The following YWHAQ variants were observed in gnomAD, a reference collection of about 807,000 sequenced individuals.
The protein encoded by YWHAQ is tyrosine 3-monooxygenase/tryptophan 5-monooxygenase activation protein theta, also known as 14-3-3 protein theta.
Under a neutral mutation model 28.3 loss-of-function variants are expected in YWHAQ, and 6 were observed. That is an observed-to-expected ratio of 0.21 (90% confidence interval 0.12 to 0.42). YWHAQ has a LOEUF of 0.42. YWHAQ is among the 10% of genes least tolerant of loss of function. The pLI is 1.00. For synonymous variants in YWHAQ, 143 were observed against 119.1 expected (o/e 1.20, Z -1.31); for missense variants, 201 against 305.6 (o/e 0.66, Z 2.55).
At chr2:9,607,711 C>CTTTTT (rs34963513) in intron 2 of YWHAQ, among the ~76,000 whole-genome samples, 3 of 128,668 alleles carry the variant, frequency 2.3e-5, no homozygotes, top group Admixed American at 7.9e-5. Context: ...AATTCTTCCT[C>CTTTTT]TTTTTTTTTT....
rs1558553670 is a variant in YWHAQ at position 9,630,352 on chromosome 2, G to A, written c.101C>T (p.Ala34Val). ...TCMKAVTEQG[A>V]ELSNEERNLL... ...GTTGCGCTCCTCGTTGGACAGCTCG[G>A]CGCCCTGCTCGGTCACTGCCTTCAT... Residue 34 changes from alanine (A) to valine (V), a missense_variant, in exon 2 of 6, where the codon GCC becomes GTC. Physicochemically the swap from Ala to Val is moderately conservative, Grantham distance 64. Around this residue, in one of 2 missense-constraint regions of YWHAQ, gnomAD observed 162 missense variants for 213.9 expected, o/e 0.76. Transcript: ENST00000238081. The surrounding 1 kb of genome is among the most constrained non-coding windows in gnomAD (Gnocchi z 5.6). The A allele has an allele frequency of 1.9e-6, 3 of 1,613,996 alleles. No individual in the cohort carries two copies. Among genetic ancestry groups the A allele is most frequent in the Admixed American group, 3.3e-5 (2 of 60,014 alleles).
intron 2 of YWHAQ, among the ~76,000 whole-genome samples, chr2:9,595,730 G>A (rs893467526): frequency 1.3e-5 from 2 of 150,352 alleles, no homozygotes; most frequent in South Asian, 2.1e-4. Context: ...GTCACCAGAC[G>A]GGAGTATAGT....
intron 4 of YWHAQ, 42 bp downstream of exon 4, chr2:9,588,123 T>C (rs2125061790): frequency 1.3e-6 from 2 of 1,493,106 alleles, no homozygotes; most frequent in Non-Finnish European, 8.9e-7. Context: ...GTATCTCAAA[T>C]AACTGTAGCT....
At chr2:9,626,250 A>T (rs1230324436) in intron 2 of YWHAQ, among the ~76,000 whole-genome samples, 1 of 152,224 alleles carries the variant, frequency 6.6e-6, no homozygotes, top group African/African-American at 2.4e-5. Flanking sequence ...GATAGAAATT[A>T]TCTTGTATAC....
At chr2:9,595,907 A>G (rs1261550747) in intron 2 of YWHAQ, among the ~76,000 whole-genome samples, 1 of 152,104 alleles carries the variant, frequency 6.6e-6, no homozygotes. Flanking sequence ...TAAAATGTGG[A>G]TGGTAGTGTG....
At chr2:9,618,174 T>C (rs1476443639) in intron 2 of YWHAQ, among the ~76,000 whole-genome samples, 1 of 152,176 alleles carries the variant, frequency 6.6e-6, no homozygotes, top group Non-Finnish European at 1.5e-5. Flanking sequence ...CTGGAATTAA[T>C]AATGATGGCT....
rs902666554 is a variant in YWHAQ at position 9,610,567 on chromosome 2, G to A, written c.295-19052C>T. On this transcript the variant is annotated intron_variant, in intron 2 of 5. Transcript: ENST00000238081. ...CTTCTTGCCCAGGCTGGAGTGCAACGGCGCAATCTCGGCTCACTGCAACCT... is the reference window on the plus strand; with the variant it reads ...CTTCTTGCCCAGGCTGGAGTGCAACAGCGCAATCTCGGCTCACTGCAACCT... Among the ~76,000 whole-genome samples the A allele has an allele frequency of 3.9e-5, 6 of 152,112 alleles. No homozygotes were observed. The East Asian group carries it at 7.7e-4, about 20-fold the overall frequency.
At chr2:9,613,834 G>A (rs1666996753) in intron 2 of YWHAQ, among the ~76,000 whole-genome samples, 1 of 152,234 alleles carries the variant, frequency 6.6e-6, no homozygotes, top group Non-Finnish European at 1.5e-5. Context: ...AGATGTAGTT[G>A]AGGAAAAATG....
At chr2:9,629,651 G>A (rs755717192) in intron 2 of YWHAQ, among the ~76,000 whole-genome samples, 9 of 151,856 alleles carry the variant, frequency 5.9e-5, no homozygotes, top group Non-Finnish European at 1.2e-4. Flanking sequence ...TATGGGGGGT[G>A]GGGGGGAGCA....
chr2:9,624,034 T>G (rs769633766), intron 2 of YWHAQ, among the ~76,000 whole-genome samples: 3 of 152,046 alleles, frequency 2.0e-5, no homozygotes, highest in African/African-American at 7.2e-5. Flanking sequence ...TCTGGGTGGA[T>G]TGCTTGAGCT....
chr2:9,594,638 T>C lies in YWHAQ; in HGVS notation c.295-3123A>G, dbSNP rs531130016. Among the ~76,000 whole-genome samples, 111 of 152,270 alleles carry C rather than the reference T, an allele frequency of 7.3e-4. 1 individual carries two copies. Among genetic ancestry groups the C allele is most frequent in the Admixed American group, 2.5e-3 (38 of 15,294 alleles). ...TTGTTCCTCCAAGTGAGTCAGTCAG[T>C]TACAATGAAATTCCACAGGATCTCC... On this transcript the variant is annotated intron_variant, in intron 2 of 5. Coordinates refer to ENST00000238081, the MANE Select transcript of YWHAQ (RefSeq NM_006826.4).
chr2:9,594,320 T>C (rs998414064), intron 2 of YWHAQ, among the ~76,000 whole-genome samples: 1 of 152,190 alleles, frequency 6.6e-6, no homozygotes, highest in Non-Finnish European at 1.5e-5. Flanking sequence ...TACTTTAACT[T>C]TTTCCTCTAT....
chr2:9,610,212 G>A (rs1405268464), intron 2 of YWHAQ, among the ~76,000 whole-genome samples: 1 of 152,146 alleles, frequency 6.6e-6, no homozygotes, highest in African/African-American at 2.4e-5. Flanking sequence ...CTATCTTAAG[G>A]TAAATGACAA....
At chr2:9,623,681 G>A (rs1340948712) in intron 2 of YWHAQ, among the ~76,000 whole-genome samples, 2 of 152,208 alleles carry the variant, frequency 1.3e-5, no homozygotes, top group African/African-American at 4.8e-5. Flanking sequence ...GCTGACACAG[G>A]AGAATTGCTT....
chr2:9,614,023 G>A (rs1468394579), intron 2 of YWHAQ, among the ~76,000 whole-genome samples: 1 of 152,156 alleles, frequency 6.6e-6, no homozygotes, highest in East Asian at 1.9e-4. Context: ...ATCCAATGCA[G>A]CCTAACCAAT....
intron 2 of YWHAQ, among the ~76,000 whole-genome samples, chr2:9,609,877 T>G (rs1198788741): frequency 2.0e-5 from 3 of 152,152 alleles, no homozygotes; most frequent in Non-Finnish European, 4.4e-5. Context: ...AAGAAACTTT[T>G]TTAGAGTGGG....
intron 3 of YWHAQ, among the ~76,000 whole-genome samples, chr2:9,589,642 T>C (rs541032971): frequency 2.8e-4 from 43 of 152,312 alleles, no homozygotes; most frequent in African/African-American, 9.1e-4. Flanking sequence ...TAATGTAAAC[T>C]TTACAAAGAT....
intron 2 of YWHAQ, among the ~76,000 whole-genome samples, chr2:9,613,914 T>C (rs896980296): frequency 4.6e-5 from 7 of 152,294 alleles, no homozygotes; most frequent in Admixed American, 3.3e-4. Context: ...AACAGAAAGA[T>C]GGTAGCCTCT....
At position 9,599,803 on chromosome 2, in the gene YWHAQ, T is replaced by C. The variant is rs75818687; in HGVS notation, c.295-8288A>G. Among the ~76,000 whole-genome samples the C allele has an allele frequency of 2.0e-3, 304 of 152,342 alleles. 8 individuals carry two copies. The East Asian group carries it at 0.052, about 26-fold the overall frequency. ...GCCTGCTCACATAAAACAACATCCATTCTGCAGCCCATAGATCAAGGAGTA... is the reference window on the plus strand; with the variant it reads ...GCCTGCTCACATAAAACAACATCCACTCTGCAGCCCATAGATCAAGGAGTA... On this transcript the variant is annotated intron_variant, in intron 2 of 5. Coordinates refer to ENST00000238081, the MANE Select transcript of YWHAQ (RefSeq NM_006826.4).
Sources: allele counts gnomAD v4.1 joint callset (sites outside exome capture counted in the v4.1 genomes callset), GRCh38; gene constraint gnomAD v4.1.1; regional missense constraint gnomAD v4.1.1; non-coding constraint Gnocchi (gnomAD v3.1); transcripts MANE v1.5; gene names NCBI Gene and HGNC (gene_info 2026-07-23, HGNC 2026-07-21).